RBFOX2: variants seen among roughly 807,000 people sequenced by gnomAD.
RBFOX2 encodes the protein RNA binding fox-1 homolog 2, also known as RNA binding protein fox-1 homolog 2.
RBFOX2 carries 10 observed loss-of-function variants against 49.1 expected under a neutral mutation model. The observed-to-expected ratio is 0.20, with a 90% confidence interval of 0.13 to 0.35. The LOEUF (loss-of-function observed/expected upper bound fraction) is 0.35, where lower values mean the gene tolerates loss of function less well. RBFOX2 is among the 10% of genes least tolerant of loss of function. RBFOX2 has a pLI of 1.00. For missense variants in RBFOX2, 323 were observed against 486.9 expected, an observed-to-expected ratio of 0.66 and a Z score of 3.17; for synonymous variants, 183 against 187.4, an observed-to-expected ratio of 0.98 and a Z score of 0.19.
At chr22:35,853,658 C>CGTGT (rs36048607) in intron 1 of RBFOX2, among the ~76,000 whole-genome samples, 8,177 of 141,054 alleles carry the variant, frequency 0.058, 295 homozygotes, top group Admixed American at 0.1. Flanking sequence ...TATATACACA[C>CGTGT]GTGTGTGTGT....
chr22:35,915,012 A>G (rs2050248672), intron 1 of RBFOX2, among the ~76,000 whole-genome samples: 1 of 152,156 alleles, frequency 6.6e-6, no homozygotes, highest in Non-Finnish European at 1.5e-5. Flanking sequence ...GGTGCTTGAA[A>G]TCGACACTGC....
intron 1 of RBFOX2, among the ~76,000 whole-genome samples, chr22:35,826,116 T>C (rs1209378189): frequency 6.8e-6 from 1 of 146,028 alleles, no homozygotes. Flanking sequence ...CTGAGGCAGA[T>C]GGATCACTGA....
intron 1 of RBFOX2, among the ~76,000 whole-genome samples, chr22:35,819,551 A>G (rs1603291096): frequency 6.6e-6 from 1 of 152,202 alleles, no homozygotes; most frequent in East Asian, 1.9e-4. Flanking sequence ...CTAGACTGCC[A>G]ATGTTTACAG....
intron 1 of RBFOX2, among the ~76,000 whole-genome samples, chr22:35,883,478 T>A (rs2046185812): frequency 6.6e-6 from 1 of 152,196 alleles, no homozygotes; most frequent in Non-Finnish European, 1.5e-5. Context: ...AAAGGCACAG[T>A]CTTGGCTTTA....
At chr22:35,775,370 T>C (rs930648394) in intron 4 of RBFOX2, among the ~76,000 whole-genome samples, 1 of 152,176 alleles carries the variant, frequency 6.6e-6, no homozygotes, top group Admixed American at 6.5e-5. Flanking sequence ...TTAAAACATT[T>C]ACCAATTAGT....
chr22:35,870,015 C>G (rs1474161968), intron 1 of RBFOX2, among the ~76,000 whole-genome samples: 1 of 152,102 alleles, frequency 6.6e-6, no homozygotes, highest in East Asian at 1.9e-4. Context: ...TTTATACCTC[C>G]CTCTCATTTC....
intron 1 of RBFOX2, among the ~76,000 whole-genome samples, chr22:36,004,330 T>C (rs1413009506): frequency 2.0e-5 from 3 of 152,218 alleles, no homozygotes; most frequent in Non-Finnish European, 4.4e-5. Context: ...ACATCATTGC[T>C]ACCCAAAACT....
At chr22:35,797,351 T>C (rs1392218140) in intron 2 of RBFOX2, among the ~76,000 whole-genome samples, 2 of 152,210 alleles carry the variant, frequency 1.3e-5, no homozygotes, top group African/African-American at 4.8e-5. Context: ...AAAAAGCAGC[T>C]AGTTCAGCTT....
chr22:35,883,676 A>AG (rs2046213955), intron 1 of RBFOX2, among the ~76,000 whole-genome samples: 2 of 152,206 alleles, frequency 1.3e-5, no homozygotes, highest in African/African-American at 4.8e-5. Context: ...AAGGAACCAG[A>AG]GGGGATCTGC....
At chr22:35,863,095 G>A (rs988367680) in intron 1 of RBFOX2, among the ~76,000 whole-genome samples, 3 of 152,078 alleles carry the variant, frequency 2.0e-5, no homozygotes, top group Admixed American at 6.6e-5. Flanking sequence ...CAGCTGGGGG[G>A]CAGGGGAGAG....
intron 3 of RBFOX2, among the ~76,000 whole-genome samples, chr22:35,778,597 T>C (rs1017542790): frequency 2.0e-5 from 3 of 151,840 alleles, no homozygotes; most frequent in Non-Finnish European, 4.4e-5. Context: ...CTCAGGCATG[T>C]AGAGATAAGT....
At chr22:35,957,262 T>C (rs1482257149) in intron 1 of RBFOX2, among the ~76,000 whole-genome samples, 1 of 152,194 alleles carries the variant, frequency 6.6e-6, no homozygotes, top group Non-Finnish European at 1.5e-5. Context: ...TCTTACACAG[T>C]GCCTGTTCCT....
intron 1 of RBFOX2, among the ~76,000 whole-genome samples, chr22:35,823,088 T>TGA (rs1954885090): frequency 6.6e-6 from 1 of 152,186 alleles, no homozygotes; most frequent in Non-Finnish European, 1.5e-5. Context: ...CCCAAAGTGC[T>TGA]GAGATTACAG....
chr22:36,017,459 C>T (rs576816454), intron 1 of RBFOX2, among the ~76,000 whole-genome samples: 11 of 151,916 alleles, frequency 7.2e-5, no homozygotes, highest in African/African-American at 2.4e-4. Context: ...ACCCGGGAGG[C>T]GGAGGTTGCA....
intron 1 of RBFOX2, among the ~76,000 whole-genome samples, chr22:35,848,589 A>G (rs1310734014): frequency 6.6e-6 from 1 of 152,208 alleles, no homozygotes; most frequent in Non-Finnish European, 1.5e-5. Context: ...AATACCTAAT[A>G]AGATGTACTA....
intron 1 of RBFOX2, among the ~76,000 whole-genome samples, chr22:36,010,170 C>G (rs929140862): frequency 1.3e-5 from 2 of 152,140 alleles, no homozygotes; most frequent in South Asian, 4.1e-4. Flanking sequence ...TCAGCAGCCA[C>G]CAGCCCAGAT....
At chr22:35,844,061 G>T (rs756250469), upstream of RBFOX2, among the ~76,000 whole-genome samples, 1 of 151,984 alleles carries the variant, frequency 6.6e-6, no homozygotes, top group East Asian at 1.9e-4. Flanking sequence ...GAATATGGCC[G>T]ACTATATGGG....
chr22:35,784,292 T>A (rs530912103), intron 2 of RBFOX2, among the ~76,000 whole-genome samples: 1 of 152,212 alleles, frequency 6.6e-6, no homozygotes, highest in African/African-American at 2.4e-5. Flanking sequence ...AAAAATGATC[T>A]CATTAGGCCA....
At chr22:35,870,242 C>A (rs1382754774) in intron 1 of RBFOX2, among the ~76,000 whole-genome samples, 1 of 152,190 alleles carries the variant, frequency 6.6e-6, no homozygotes, top group East Asian at 1.9e-4. Context: ...GGCACGGTGG[C>A]TCATGCTTGC....
Sources: gnomAD v4.1 joint callset for allele counts (sites outside exome capture counted in the v4.1 genomes callset) on GRCh38, gnomAD v4.1.1 for gene constraint, MANE v1.5 for transcripts, NCBI Gene and HGNC (gene_info 2026-07-23, HGNC 2026-07-21) for gene names.